NCF2: variants seen among roughly 807,000 people sequenced by gnomAD.
NCF2 encodes the protein neutrophil cytosolic factor 2.
Under a neutral mutation model 70.9 loss-of-function variants are expected in NCF2, and 45 were observed. That is an observed-to-expected ratio of 0.63 (90% CI 0.50 to 0.81). The LOEUF (loss-of-function observed/expected upper bound fraction) is 0.81. Ranked by LOEUF, NCF2 falls within the 40% of genes least tolerant of loss-of-function variation. NCF2 has a pLI of 0.00. For synonymous variants in NCF2, 203 were observed against 233.6 expected, an observed-to-expected ratio of 0.87 and a Z score of 1.19; for missense variants, 522 against 631.6, an observed-to-expected ratio of 0.83 and a Z score of 1.86.
intron 13 of NCF2, among the ~76,000 whole-genome samples, chr1:183,562,303 A>T (rs1053563709): frequency 5.9e-5 from 9 of 152,166 alleles, no homozygotes; most frequent in Admixed American, 1.3e-4. Flanking sequence ...AGAATCTTTT[A>T]AAAAAGATGC....
In NCF2 at chr1:183,568,131, C is replaced by A. The variant is rs148936339; in HGVS notation, c.714-786G>T. ...GGAGCTTAGGAATGAGCTCATCCAG[C>A]CCCCTCATTTTTGTAGTTGCTTTGG... On this transcript the variant is annotated intron_variant, in intron 7 of 14. Coordinates refer to ENST00000367535, the MANE Select transcript of NCF2 (RefSeq NM_000433.4). Among the ~76,000 whole-genome samples the A allele has an allele frequency of 3.6e-3, 552 of 151,992 alleles. 2 individuals carry two copies. Among genetic ancestry groups the A allele is most frequent in the Non-Finnish European group, 6.7e-3 (456 of 67,954 alleles).
chr1:183,586,877 C>G lies in NCF2; in HGVS notation c.257+18G>C. The G allele has an allele frequency of 6.2e-7, 1 of 1,610,702 alleles. No individual in the cohort carries two copies. The highest frequency in any genetic ancestry group is 8.5e-7 in the Non-Finnish European group (1 of 1,176,904). ...TCTCTCTGAAATCCTCCAGTTGGTG[C>G]AACATTGAACCACTTACTTCTCTGT... On this transcript the variant is annotated intron_variant, in intron 2 of 14. Coordinates refer to ENST00000367535, the MANE Select transcript of NCF2 (RefSeq NM_000433.4).
At chr1:183,597,260 G>A in the NCF2 span, among the ~76,000 whole-genome samples, 3 of 152,118 alleles carry the variant, frequency 2.0e-5, no homozygotes, top group Non-Finnish European at 2.9e-5. Context: ...TCAAAACTCC[G>A]TGGGTCTTTT....
At chr1:183,577,550 C>T (rs1481397484) in intron 3 of NCF2, 49 bp downstream of exon 3, 1 of 1,410,544 alleles carries the variant, frequency 7.1e-7, no homozygotes, top group Admixed American at 1.7e-5. Flanking sequence ...GTCAGCCATC[C>T]ATCCAGCCAT....
At chr1:183,597,393 C>T in the NCF2 span, among the ~76,000 whole-genome samples, 2 of 152,078 alleles carry the variant, frequency 1.3e-5, no homozygotes, top group African/African-American at 2.4e-5. Context: ...AAACTGATCA[C>T]GTCATTGTAC....
chr1:183,595,321 C>T (rs953368132), upstream of NCF2, among the ~76,000 whole-genome samples: 1 of 152,196 alleles, frequency 6.6e-6, no homozygotes, highest in African/African-American at 2.4e-5. Flanking sequence ...TTCAGCAATG[C>T]TATTGAAAGC....
the NCF2 span, among the ~76,000 whole-genome samples, chr1:183,599,474 C>CTTTCTTTCTTTCTTTCT: frequency 7.3e-6 from 1 of 136,966 alleles, no homozygotes; most frequent in East Asian, 2.0e-4. Flanking sequence ...TTCTTTCTTT[C>CTTTCTTTCTTTCTTTCT]TTTCTTTCTC....
At chr1:183,599,484 C>CTTTCTTTCT in the NCF2 span, among the ~76,000 whole-genome samples, 1,561 of 40,674 alleles carry the variant, frequency 0.038, 29 homozygotes, top group African/African-American at 0.067. Flanking sequence ...CTTTCTTTCT[C>CTTTCTTTCT]TTTTCTTTCT....
intron 6 of NCF2, among the ~76,000 whole-genome samples, chr1:183,569,836 C>T (rs1672468645): frequency 1.3e-5 from 2 of 152,194 alleles, no homozygotes; most frequent in South Asian, 4.1e-4. Flanking sequence ...GTGATCTGCT[C>T]ACCTCAGCCT....
chr1:183,569,459 C>G (rs1469037453), intron 6 of NCF2, among the ~76,000 whole-genome samples: 1 of 152,224 alleles, frequency 6.6e-6, no homozygotes, highest in Non-Finnish European at 1.5e-5. Context: ...AGCAGTCACA[C>G]AGCAACATGG....
chr1:183,563,547 C>T lies in NCF2; in HGVS notation c.1065G>A (p.Lys355=). The T allele has an allele frequency of 1.2e-6, 2 of 1,613,998 alleles. No individual in the cohort carries two copies. Among genetic ancestry groups the T allele is most frequent in the Non-Finnish European group, 8.5e-7 (1 of 1,180,006 alleles). Residue 355 remains lysine (K), a synonymous_variant, in exon 12 of 15, where the codon AAG becomes AAA. Transcript: ENST00000367535. The part of the protein sequence containing the change: ...KLSVPMPYTL[K]VHYKYTVVMK... ...TGACTACCGTGTACTTGTAGTGCAC[C>T]TTGAGTGTGTAGGGCATGGGAACAC...
chr1:183,595,348 G>A (rs746202173), upstream of NCF2, among the ~76,000 whole-genome samples: 3 of 152,184 alleles, frequency 2.0e-5, no homozygotes, highest in Non-Finnish European at 4.4e-5. Context: ...GCTTGAAATC[G>A]TCTTTCTCCA....
chr1:183,560,799 A>G (rs1672010271), intron 13 of NCF2, among the ~76,000 whole-genome samples: 1 of 152,252 alleles, frequency 6.6e-6, no homozygotes, highest in Non-Finnish European at 1.5e-5. Flanking sequence ...AAAATCATAT[A>G]CAGTCTTAAA....
chr1:183,591,122 G>A (rs1342576687), upstream of NCF2, among the ~76,000 whole-genome samples: 3 of 152,338 alleles, frequency 2.0e-5, no homozygotes, highest in East Asian at 5.8e-4. Context: ...TCCACTGAAA[G>A]CTGTTTTCAT....
chr1:183,592,526 T>A (rs139981019), upstream of NCF2, among the ~76,000 whole-genome samples: 162 of 152,282 alleles, frequency 1.1e-3, no homozygotes, highest in African/African-American at 3.5e-3. Context: ...CATTCTAGGA[T>A]CTCTAGCACA....
chr1:183,586,976 G>A lies in NCF2; in HGVS notation c.176C>T (p.Ala59Val). Residue 59 changes from alanine to valine, a missense_variant and splice_region_variant, in exon 2 of 15, where the codon GCC becomes GTC. Ala to Val is a moderately conservative substitution (Grantham distance 64). Transcript: ENST00000367535. ...GTCTCGGTTAATGCTTCTGGTAAAG[G>A]CCTGAGGAGAGAAGGGTCCAGACAT... ...ILKNMTEAEK[A>V]FTRSINRDKH... 6.2e-7 allele frequency: 1 copy of A among 1,613,782 alleles called. No individual in the cohort carries two copies. Among genetic ancestry groups the A allele is most frequent in the Non-Finnish European group, 8.5e-7 (1 of 1,179,734 alleles).
chr1:183,573,353 G>A, intron 4 of NCF2, 61 bp from the exon 5 acceptor site: 1 of 1,423,874 alleles, frequency 7.0e-7, no homozygotes, highest in South Asian at 1.1e-5. Context: ...TGCTTGTCCT[G>A]CCTCCCTCAG....
At position 183,569,164 on chromosome 1, in the gene NCF2, G is replaced by C. The variant is rs750922183; in HGVS notation, c.691C>G (p.Pro231Ala). The C allele has an allele frequency of 1.2e-6, 2 of 1,614,114 alleles. No individual in the cohort carries two copies. Among genetic ancestry groups the C allele is most frequent in the Non-Finnish European group, 1.7e-6 (2 of 1,180,008 alleles). ...QPQAAEPPPRPKTPEIFRALE... is the reference protein window; with the variant it reads ...QPQAAEPPPRAKTPEIFRALE... Reference sequence around the variant, plus strand: ...TACCTGAAGATCTCTGGGGTTTTCGGTCTGGGTGGAGGCTCAGCTGCCTAT... The same window carrying C: ...TACCTGAAGATCTCTGGGGTTTTCGCTCTGGGTGGAGGCTCAGCTGCCTAT... The change falls in exon 7 of 15, where the codon CCG becomes GCG. Residue 231 changes from proline (P) to alanine (A), a missense_variant. By Grantham distance (27) the Pro-to-Ala change is conservative. Coordinates refer to ENST00000367535, the MANE Select transcript of NCF2 (RefSeq NM_000433.4).
chr1:183,598,653 G>A, the NCF2 span, among the ~76,000 whole-genome samples: 1 of 152,180 alleles, frequency 6.6e-6, no homozygotes, highest in Non-Finnish European at 1.5e-5. Context: ...CAGGGAGAGG[G>A]AGAGTCATGG....
Sources: allele counts gnomAD v4.1 joint callset (sites outside exome capture counted in the v4.1 genomes callset), GRCh38; gene constraint gnomAD v4.1.1; transcripts MANE v1.5; gene names NCBI Gene and HGNC (gene_info 2026-07-23, HGNC 2026-07-21).